Variants in CELF2 observed in about 807,000 individuals in gnomAD.
The protein encoded by CELF2 is CUG triplet repeat RNA-binding protein 2.
In CELF2, 8 loss-of-function variants were observed where a neutral mutation model predicts 62.6. The observed-to-expected ratio is 0.13, with a 90% CI of 0.07 to 0.23. The LOEUF (loss-of-function observed/expected upper bound fraction) is 0.23, where lower values mean the gene tolerates loss of function less well. Among genes scored for constraint, CELF2 ranks in the 10% least tolerant of loss-of-function variants. The pLI, the probability that CELF2 is intolerant of heterozygous loss-of-function variation, is 1.00. For synonymous variants in CELF2, 258 were observed against 250.0 expected, an observed-to-expected ratio of 1.03 and a Z score of -0.30; for missense variants, 333 against 671.0, an observed-to-expected ratio of 0.50 and a Z score of 5.56.
chr10:10,531,360 G>T, the CELF2 span, among the ~76,000 whole-genome samples: 1 of 152,132 alleles, frequency 6.6e-6, no homozygotes, highest in East Asian at 1.9e-4. Context: ...TTTTAATCAC[G>T]CTCTAAAACA....
chr10:11,000,656 C>T (rs2054424255), upstream of CELF2, among the ~76,000 whole-genome samples: 1 of 152,112 alleles, frequency 6.6e-6, no homozygotes, highest in African/African-American at 2.4e-5. Context: ...TTGAGTTGCT[C>T]AAGTGAAAGC....
intron 2 of CELF2, among the ~76,000 whole-genome samples, chr10:11,171,876 T>C (rs2068987312): frequency 6.6e-6 from 1 of 152,232 alleles, no homozygotes; most frequent in Non-Finnish European, 1.5e-5. Context: ...TTGTAAGGAA[T>C]GCCTTTGGCC....
chr10:10,614,031 A>C, the CELF2 span, among the ~76,000 whole-genome samples: 1 of 152,168 alleles, frequency 6.6e-6, no homozygotes, highest in African/African-American at 2.4e-5. Context: ...GTTGAGTCAG[A>C]ATGAGGAAAT....
chr10:10,836,518 G>T (rs1207520752), intron 1 of CELF2, among the ~76,000 whole-genome samples: 1 of 152,246 alleles, frequency 6.6e-6, no homozygotes, highest in Admixed American at 6.5e-5. Flanking sequence ...TGGACTGAAA[G>T]AGAGAGAGGC....
chr10:11,114,229 C>A (rs2055986499), intron 1 of CELF2, among the ~76,000 whole-genome samples: 1 of 152,020 alleles, frequency 6.6e-6, no homozygotes, highest in South Asian at 2.1e-4. Flanking sequence ...AGAGTAAAAA[C>A]AATGAAATGA....
chr10:10,581,158 T>G, the CELF2 span, among the ~76,000 whole-genome samples: 1 of 152,178 alleles, frequency 6.6e-6, no homozygotes, highest in Non-Finnish European at 1.5e-5. Context: ...TATGTGTTGT[T>G]TACAAGCTAA....
At chr10:10,683,546 A>G in the CELF2 span, among the ~76,000 whole-genome samples, 1 of 152,350 alleles carries the variant, frequency 6.6e-6, no homozygotes, top group East Asian at 1.9e-4. Context: ...CTGATTACAG[A>G]CAGGCTCATT....
intron 1 of CELF2, among the ~76,000 whole-genome samples, chr10:11,136,491 T>G (rs2060455382): frequency 6.6e-6 from 1 of 151,992 alleles, no homozygotes; most frequent in Non-Finnish European, 1.5e-5. Context: ...GTAATCCCAG[T>G]CACTCAGGAG....
At chr10:11,187,154 G>A (rs928928721) in intron 2 of CELF2, among the ~76,000 whole-genome samples, 8 of 152,208 alleles carry the variant, frequency 5.3e-5, no homozygotes, top group South Asian at 2.1e-4. Context: ...TTGAAATCTC[G>A]TGTATTTGTG....
intron 2 of CELF2, among the ~76,000 whole-genome samples, chr10:10,923,693 C>T (rs1242080911): frequency 1.3e-5 from 2 of 152,168 alleles, no homozygotes; most frequent in African/African-American, 4.8e-5. Flanking sequence ...ATGCACTAAG[C>T]ATTGAAATTA....
intron 1 of CELF2, among the ~76,000 whole-genome samples, chr10:11,083,822 C>A (rs1205903075): frequency 1.3e-5 from 2 of 152,180 alleles, no homozygotes; most frequent in African/African-American, 4.8e-5. Context: ...ATGCCATTTT[C>A]ATTTAGTGAT....
Position 11,045,532 on chromosome 10 carries a change from A to T in CELF2, c.74+27369A>T, listed in dbSNP as rs1224401529. ...GTGAGAATTCAATGAGATGATTCCT[A>T]TAAAGTACCTGGCACCTAATGAAAT... On this transcript the variant is annotated intron_variant, in intron 1 of 12. Transcript: ENST00000633077. Among the ~76,000 whole-genome samples, 6 of 152,126 alleles carry T rather than the reference A, an allele frequency of 3.9e-5. No homozygotes were observed. In the South Asian group the frequency reaches 1.2e-3, roughly 31 times the overall value.
chr10:10,792,405 G>A, the CELF2 span: 14 of 398,332 alleles, frequency 3.5e-5, no homozygotes, highest in Admixed American at 4.4e-5. Flanking sequence ...GCAATATTCC[G>A]GGTTAGGAAT....
intron 3 of CELF2, among the ~76,000 whole-genome samples, chr10:11,245,606 T>C (rs1234763310): frequency 6.6e-6 from 1 of 152,228 alleles, no homozygotes; most frequent in East Asian, 1.9e-4. Flanking sequence ...GTTATCACCA[T>C]CACTGCTGCT....
At chr10:10,468,188 A>G in the CELF2 span, among the ~76,000 whole-genome samples, 1 of 152,036 alleles carries the variant, frequency 6.6e-6, no homozygotes, top group Admixed American at 6.6e-5. Context: ...GAAGGACTCT[A>G]TGATAAAGCT....
intron 1 of CELF2, among the ~76,000 whole-genome samples, chr10:11,126,156 A>G (rs1015341363): frequency 1.3e-5 from 2 of 152,210 alleles, no homozygotes; most frequent in Non-Finnish European, 2.9e-5. Context: ...TACGATGATT[A>G]ATGTTTTCCT....
At chr10:11,058,594 G>T (rs543822655) in intron 1 of CELF2, among the ~76,000 whole-genome samples, 2 of 150,756 alleles carry the variant, frequency 1.3e-5, no homozygotes, top group Non-Finnish European at 2.9e-5. Context: ...AGCCTCCCGA[G>T]TAGCTGGGAT....
chr10:10,881,874 C>A (rs918528336), intron 1 of CELF2, among the ~76,000 whole-genome samples: 1 of 152,210 alleles, frequency 6.6e-6, no homozygotes, highest in African/African-American at 2.4e-5. Flanking sequence ...GGATATTACT[C>A]CATCTTCAAT....
intron 3 of CELF2, among the ~76,000 whole-genome samples, chr10:11,239,073 A>G (rs1405985023): frequency 6.6e-6 from 1 of 152,214 alleles, no homozygotes; most frequent in East Asian, 1.9e-4. Flanking sequence ...ATGCTGTCTG[A>G]CAGCCGATTA....
Sources: gnomAD v4.1 joint callset for allele counts (sites outside exome capture counted in the v4.1 genomes callset) on GRCh38, gnomAD v4.1.1 for gene constraint, MANE v1.5 for transcripts, NCBI Gene and HGNC (gene_info 2026-07-23, HGNC 2026-07-21) for gene names.